TLN2: variants seen among roughly 807,000 people sequenced by gnomAD.
TLN2 encodes the protein talin-2.
In TLN2, 118 loss-of-function variants were observed where a neutral mutation model predicts 294.7. That is an observed-to-expected ratio of 0.40 (90% CI 0.34 to 0.47). TLN2 has a LOEUF of 0.47. Among genes scored for constraint, TLN2 ranks in the 20% least tolerant of loss-of-function variants. TLN2 has a pLI of 0.84. For missense variants in TLN2, 3,083 were observed against 3,282.2 expected (o/e 0.94, Z 1.48); for synonymous variants, 1,431 against 1,304.5 (o/e 1.10, Z -2.09).
At chr15:62,717,880 T>C (rs1282623592) in intron 24 of TLN2, among the ~76,000 whole-genome samples, 191 bp downstream of exon 24, 1 of 152,220 alleles carries the variant, frequency 6.6e-6, no homozygotes, top group East Asian at 1.9e-4. Flanking sequence ...GTTTGGAAAG[T>C]GTGATTTTCT....
At chr15:62,570,903 C>CTGTGTGTGTGTGTGTGTGTGTGTG (rs58523803) in intron 1 of TLN2, among the ~76,000 whole-genome samples, 29 of 143,834 alleles carry the variant, frequency 2.0e-4, no homozygotes, top group African/African-American at 7.1e-4. Flanking sequence ...GCACAGGCAT[C>CTGTGTGTGTGTGTGTGTGTGTGTG]TGTGTGTGTG....
At chr15:62,827,286 T>A (rs1567692014) in intron 54 of TLN2, among the ~76,000 whole-genome samples, 1 of 151,990 alleles carries the variant, frequency 6.6e-6, no homozygotes. Flanking sequence ...GGTAAGGACG[T>A]TGAGGAGGAG....
chr15:62,650,879 GTTAC>G (rs1297584167), intron 5 of TLN2, among the ~76,000 whole-genome samples: 2 of 152,010 alleles, frequency 1.3e-5, no homozygotes, highest in Admixed American at 1.3e-4. Context: ...TAGTAAACAA[GTTAC>G]TTAAAAATAT....
At position 62,798,882 on chromosome 15, in the gene TLN2, G is replaced by C. The variant is rs577554387; in HGVS notation, c.6234+1480G>C. Among the ~76,000 whole-genome samples the C allele has an allele frequency of 2.4e-3, 372 of 152,264 alleles. 1 individual carries two copies. The highest frequency in any genetic ancestry group is 3.3e-3 in the Non-Finnish European group (224 of 68,014). On this transcript the variant is annotated intron_variant, in intron 48 of 58. Transcript: ENST00000636159. ...CAGAGTCCAGATTGGCTGCCTTTTG[G>C]AATTCTAAGCATTCACAAAAACCTC...
chr15:62,408,899 A>G (rs139729370), intron 1 of TLN2, among the ~76,000 whole-genome samples: 5,157 of 151,980 alleles, frequency 0.034, 283 homozygotes, highest in African/African-American at 0.12. Flanking sequence ...AGCTCAAACA[A>G]TCCTCCTGCC....
chr15:62,461,797 C>G (rs2036822484), intron 1 of TLN2, among the ~76,000 whole-genome samples: 1 of 152,206 alleles, frequency 6.6e-6, no homozygotes, highest in African/African-American at 2.4e-5. Flanking sequence ...CAGGAGCACT[C>G]ACAGAAATTG....
At chr15:62,833,727 C>T in intron 55 of TLN2, 98 bp downstream of exon 55, 1 of 1,497,936 alleles carries the variant, frequency 6.7e-7, no homozygotes, top group East Asian at 2.3e-5. Context: ...ACCAAGGAAA[C>T]ACATGCAGTG....
chr15:62,398,229 G>T (rs966286089), intron 1 of TLN2, among the ~76,000 whole-genome samples: 2 of 152,096 alleles, frequency 1.3e-5, no homozygotes, highest in African/African-American at 4.8e-5. Context: ...GGTTTCATAA[G>T]GGCCTTTTAC....
chr15:62,401,046 G>C (rs937666160), intron 1 of TLN2, among the ~76,000 whole-genome samples: 3 of 151,966 alleles, frequency 2.0e-5, no homozygotes, highest in Non-Finnish European at 4.4e-5. Context: ...AAACTCCTGA[G>C]CTCAAGTGAT....
At chr15:62,693,597 G>A (rs1167692982) in intron 13 of TLN2, among the ~76,000 whole-genome samples, 1 of 43,040 alleles carries the variant, frequency 2.3e-5, no homozygotes, top group Non-Finnish European at 5.7e-5. Context: ...GATCTTTGTA[G>A]TTTTCATGTT....
chr15:62,738,154 C>T, intron 29 of TLN2, 60 bp from the exon 30 acceptor site: 1 of 1,587,970 alleles, frequency 6.3e-7, no homozygotes, highest in Non-Finnish European at 8.6e-7. Context: ...ACTGCCCATT[C>T]CCAACAAATG....
rs1462992406 is a variant in TLN2 at position 62,843,488 on chromosome 15, G to C, written c.*2878G>C. 1.3e-5 allele frequency: 2 copies of C among 152,252 alleles called. No homozygotes were observed. Among genetic ancestry groups the C allele is most frequent in the East Asian group, 1.9e-4 (1 of 5,204 alleles). 9.4% of individuals were successfully genotyped at this position (152,252 alleles called of 1,614,324 possible). ...TCAATTCCTGGTTGGCCCTGCAGTC[G>C]GTCAACACAGTCCCTCCAGGTCGGC... On this transcript the variant is annotated 3_prime_UTR_variant, in exon 59 of 59. Transcript: ENST00000636159.
chr15:62,835,990 C>T lies in TLN2; in HGVS notation c.7291C>T (p.Gln2431Ter). 1.2e-6 allele frequency: 2 copies of T among 1,613,912 alleles called. No individual in the cohort carries two copies. Among genetic ancestry groups the T allele is most frequent in the Non-Finnish European group, 1.7e-6 (2 of 1,179,930 alleles). ...GGAGAAGCTCATCTCATCTGCCAAG[C>T]AGGTCGCCGCTTCCACGGCTCAGCT... The part of the protein sequence containing the change: ...SEEKLISSAK[Q>*]VAASTAQLLV... Residue 2431 changes from glutamine to a stop codon, truncating the protein, a stop_gained, in exon 57 of 59, where the codon CAG (glutamine) becomes TAG (stop). Transcript: ENST00000636159. LOFTEE classifies it high-confidence loss of function.
At chr15:62,549,480 G>GCATGCATC (rs2042173972) in intron 1 of TLN2, among the ~76,000 whole-genome samples, 1 of 147,756 alleles carries the variant, frequency 6.8e-6, no homozygotes, top group African/African-American at 2.5e-5. Context: ...TGCATGCCAT[G>GCATGCATC]CATCCATCCA....
At chr15:62,657,386 A>G (rs926095557) in intron 8 of TLN2, among the ~76,000 whole-genome samples, 1 of 152,086 alleles carries the variant, frequency 6.6e-6, no homozygotes, top group Non-Finnish European at 1.5e-5. Context: ...ATATTTGATT[A>G]GCTAGCTTTG....
intron 2 of TLN2, among the ~76,000 whole-genome samples, chr15:62,615,600 T>C (rs2048251903): frequency 2.0e-5 from 3 of 152,250 alleles, no homozygotes; most frequent in Non-Finnish European, 4.4e-5. Context: ...AACATTTAGG[T>C]AGATTTTCTT....
At chr15:62,631,573 T>TTTCCTTTCCTTTCCTTTCCTTTCCC in intron 3 of TLN2, among the ~76,000 whole-genome samples, 1 of 148,082 alleles carries the variant, frequency 6.8e-6, no homozygotes, top group Non-Finnish European at 1.5e-5. Flanking sequence ...TTTCCTTTCC[T>TTTCCTTTCCTTTCCTTTCCTTTCCC]TTCTTTCTCT....
intron 32 of TLN2, among the ~76,000 whole-genome samples, chr15:62,747,293 A>G (rs1256364552): frequency 1.3e-5 from 2 of 152,178 alleles, no homozygotes; most frequent in Non-Finnish European, 2.9e-5. Flanking sequence ...CCAATTCTGT[A>G]TCTACTTATG....
intron 2 of TLN2, 56 bp from the exon 3 acceptor site, chr15:62,618,295 T>C (rs2048480343): frequency 6.6e-6 from 1 of 152,228 alleles, no homozygotes; most frequent in Non-Finnish European, 1.5e-5. Flanking sequence ...GTACAAGATT[T>C]GTAATGTTAT....
Sources: allele counts gnomAD v4.1 joint callset (sites outside exome capture counted in the v4.1 genomes callset), GRCh38; gene constraint gnomAD v4.1.1; transcripts MANE v1.5; gene names NCBI Gene and HGNC (gene_info 2026-07-23, HGNC 2026-07-21).